The following CDK14 variants were observed in gnomAD, a reference collection of about 807,000 sequenced individuals.
The protein encoded by CDK14 is cyclin-dependent kinase 14.
In CDK14, 34 loss-of-function variants were observed where a neutral mutation model predicts 60.7. The observed-to-expected ratio is 0.56, with a 90% CI of 0.43 to 0.75. CDK14 has a LOEUF of 0.75. Ranked by LOEUF, CDK14 falls within the 30% of genes least tolerant of loss-of-function variation. CDK14 has a pLI of 0.00. For synonymous variants in CDK14, 197 were observed against 203.7 expected, an observed-to-expected ratio of 0.97 and a Z score of 0.28; for missense variants, 482 against 564.1, an observed-to-expected ratio of 0.85 and a Z score of 1.47.
At chr7:90,874,908 A>G (rs1289038335) in intron 6 of CDK14, among the ~76,000 whole-genome samples, 1 of 152,114 alleles carries the variant, frequency 6.6e-6, no homozygotes, top group Non-Finnish European at 1.5e-5. Flanking sequence ...TTAAAAGTAC[A>G]CAATTCAGCG....
At chr7:90,866,850 C>G (rs997978842) in intron 6 of CDK14, among the ~76,000 whole-genome samples, 1 of 152,128 alleles carries the variant, frequency 6.6e-6, no homozygotes, top group Non-Finnish European at 1.5e-5. Context: ...GGTTTAGCGG[C>G]TAATAGGATA....
intron 2 of CDK14, among the ~76,000 whole-genome samples, chr7:90,725,351 C>T (rs1802598909): frequency 2.0e-5 from 3 of 152,122 alleles, no homozygotes. Flanking sequence ...ATATCTATAT[C>T]TATGCATCTG....
intron 8 of CDK14, among the ~76,000 whole-genome samples, chr7:90,936,286 G>A (rs1189403114): frequency 6.6e-6 from 1 of 152,156 alleles, no homozygotes; most frequent in Non-Finnish European, 1.5e-5. Context: ...CCCAAATGAA[G>A]TTCATAGAAA....
chr7:90,805,614 G>A (rs1434738948), intron 5 of CDK14, among the ~76,000 whole-genome samples: 3 of 151,956 alleles, frequency 2.0e-5, no homozygotes, highest in African/African-American at 7.2e-5. Flanking sequence ...ACAAAATCTT[G>A]ATGGAAAGAA....
rs1794399132 is a variant in CDK14 at position 90,956,020 on chromosome 7, G to C, written c.947+203G>C. Among the ~76,000 whole-genome samples the C allele has an allele frequency of 2.0e-5, 3 of 152,150 alleles. No homozygotes were observed. In the South Asian group the frequency reaches 6.2e-4, roughly 32 times the overall value. On this transcript the variant is annotated intron_variant, in intron 9 of 14. Transcript: ENST00000380050. ...CCTTTGCAGATGCTGTGTGGTAATG[G>C]TTCTTGATGGACAGGGGCAGAGACA...
chr7:91,121,321 T>G (rs532559576), intron 14 of CDK14, among the ~76,000 whole-genome samples: 3 of 152,104 alleles, frequency 2.0e-5, no homozygotes, highest in Non-Finnish European at 4.4e-5. Flanking sequence ...CCAAGGGGGT[T>G]GGGGGCTGAA....
chr7:91,004,290 G>A (rs373183823), intron 10 of CDK14, among the ~76,000 whole-genome samples: 42 of 152,308 alleles, frequency 2.8e-4, no homozygotes, highest in African/African-American at 9.9e-4. Context: ...AGAAAGAAGA[G>A]ATGTCACTTT....
At chr7:90,957,198 C>G (rs1415628264) in intron 9 of CDK14, among the ~76,000 whole-genome samples, 1 of 151,758 alleles carries the variant, frequency 6.6e-6, no homozygotes, top group Admixed American at 6.6e-5. Flanking sequence ...ACACTGACTT[C>G]CACAATGGTT....
intron 5 of CDK14, among the ~76,000 whole-genome samples, chr7:90,840,060 G>T (rs976689983): frequency 2.0e-5 from 3 of 152,150 alleles, no homozygotes; most frequent in Non-Finnish European, 4.4e-5. Flanking sequence ...GAAATTACTT[G>T]CTTCAGATGA....
intron 2 of CDK14, among the ~76,000 whole-genome samples, chr7:90,712,126 A>G (rs59324749): frequency 0.068 from 10,340 of 150,976 alleles, 479 homozygotes; most frequent in South Asian, 0.11. Context: ...GATATTTTTT[A>G]TTGTGGTGAA....
At chr7:90,989,638 A>C (rs1171175284) in intron 10 of CDK14, among the ~76,000 whole-genome samples, 1 of 152,192 alleles carries the variant, frequency 6.6e-6, no homozygotes, top group African/African-American at 2.4e-5. Context: ...GAGACCCAGC[A>C]ATAACGGTGG....
chr7:91,095,394 T>C (rs1321848523), intron 12 of CDK14, among the ~76,000 whole-genome samples: 1 of 152,224 alleles, frequency 6.6e-6, no homozygotes, highest in Non-Finnish European at 1.5e-5. Context: ...GGAATGGCCC[T>C]GCAGGCCAGA....
intron 7 of CDK14, among the ~76,000 whole-genome samples, chr7:90,904,787 A>G (rs1334382084): frequency 1.3e-5 from 2 of 152,202 alleles, no homozygotes. Context: ...ATTTCAGAAC[A>G]CTGGGTTCAA....
chr7:90,964,693 A>G (rs943882897), intron 9 of CDK14, among the ~76,000 whole-genome samples: 1 of 152,144 alleles, frequency 6.6e-6, no homozygotes, highest in Non-Finnish European at 1.5e-5. Context: ...TTATATTGCT[A>G]TTCATTGATT....
At chr7:91,040,528 G>T (rs1797059514) in intron 10 of CDK14, among the ~76,000 whole-genome samples, 1 of 152,180 alleles carries the variant, frequency 6.6e-6, no homozygotes, top group South Asian at 2.1e-4. Context: ...CAGTTATTAG[G>T]TTGTTCTGAA....
intron 3 of CDK14, among the ~76,000 whole-genome samples, chr7:90,731,408 A>G (rs957635899): frequency 1.3e-5 from 2 of 152,224 alleles, no homozygotes; most frequent in African/African-American, 2.4e-5. Flanking sequence ...TGGGGATAGC[A>G]TTGAATCTAT....
intron 2 of CDK14, among the ~76,000 whole-genome samples, chr7:90,639,514 C>A (rs534717677): frequency 2.0e-5 from 3 of 151,812 alleles, no homozygotes; most frequent in Non-Finnish European, 4.4e-5. Context: ...AGTACCTGGC[C>A]GTGTGAGGTG....
At chr7:91,136,819 T>G (rs1319735606) in intron 14 of CDK14, among the ~76,000 whole-genome samples, 3 of 152,156 alleles carry the variant, frequency 2.0e-5, no homozygotes, top group African/African-American at 7.2e-5. Context: ...TAAAAGGTAA[T>G]GAAAAATCTG....
At chr7:90,891,731 A>G (rs901697603) in intron 6 of CDK14, among the ~76,000 whole-genome samples, 3 of 152,212 alleles carry the variant, frequency 2.0e-5, no homozygotes, top group Non-Finnish European at 2.9e-5. Flanking sequence ...TTTCAATGTC[A>G]CATTTTGGCA....
Sources: gnomAD v4.1 joint callset for allele counts (sites outside exome capture counted in the v4.1 genomes callset) on GRCh38, gnomAD v4.1.1 for gene constraint, MANE v1.5 for transcripts, NCBI Gene and HGNC (gene_info 2026-07-23, HGNC 2026-07-21) for gene names.